ATP6V0A4: variants seen among roughly 807,000 people sequenced by gnomAD.
ATP6V0A4 encodes ATPase H+ transporting V0 subunit a4.
Under a neutral mutation model 107.3 loss-of-function variants are expected in ATP6V0A4, and 86 were observed. That is an observed-to-expected ratio of 0.80 (90% CI 0.67 to 0.96). ATP6V0A4 has a LOEUF of 0.96. Ranked by LOEUF, ATP6V0A4 falls within the 40% of genes least tolerant of loss-of-function variation. ATP6V0A4 has a pLI of 0.00. For synonymous variants in ATP6V0A4, 353 were observed against 381.4 expected (o/e 0.93, Z 0.87); for missense variants, 908 against 1,045.6 (o/e 0.87, Z 1.81).
At position 138,756,417 on chromosome 7, in the gene ATP6V0A4, G is replaced by C. The variant is rs1257282006; in HGVS notation, c.722+41C>G. On this transcript the variant is annotated intron_variant, in intron 9 of 21. Coordinates refer to ENST00000310018, the MANE Select transcript of ATP6V0A4 (RefSeq NM_020632.3). The stretch of plus-strand genomic sequence containing the variant: ...ATTGCACATCTCTTTATCTAATCCT[G>C]GCCCAAATCACTGAAGAAAGAGCCA... 9 of 1,612,504 alleles carry C rather than the reference G, an allele frequency of 5.6e-6. No individual in the cohort carries two copies. In the East Asian group the frequency reaches 2.0e-4, roughly 36 times the overall value.
intron 17 of ATP6V0A4, among the ~76,000 whole-genome samples, chr7:138,731,295 T>C (rs1418805195): frequency 1.3e-5 from 2 of 151,836 alleles, no homozygotes; most frequent in African/African-American, 4.8e-5. Context: ...ACTGAACTCA[T>C]GAGAAGGGGC....
intron 11 of ATP6V0A4, among the ~76,000 whole-genome samples, chr7:138,750,251 T>TTTTATC (rs1379847653): frequency 2.0e-5 from 3 of 152,052 alleles, no homozygotes; most frequent in Non-Finnish European, 4.4e-5. Context: ...TGCTCAAGTC[T>TTTTATC]TTTTTCTTTT....
Position 138,706,454 on chromosome 7 carries a change from G to T in ATP6V0A4, c.*170C>A. Reference sequence around the variant, plus strand: ...TTGCCAAAGTCCTTCCTCTGACGTGGTTAAGTCGTATCAAATCCACAGGCT... The same window carrying T: ...TTGCCAAAGTCCTTCCTCTGACGTGTTTAAGTCGTATCAAATCCACAGGCT... On this transcript the variant is annotated 3_prime_UTR_variant, in exon 22 of 22. Transcript: ENST00000310018. The T allele has an allele frequency of 1.3e-6, 1 of 783,908 alleles. No individual in the cohort carries two copies. Among genetic ancestry groups the T allele is most frequent in the Non-Finnish European group, 2.1e-6 (1 of 474,582 alleles). The allele number at this position is 783,908 out of a possible 1,614,324, so 48.6% of individuals were successfully genotyped here.
rs765805264 is a variant in ATP6V0A4 at position 138,771,273 on chromosome 7, G to T, written c.-17-9C>A. On this transcript the variant is annotated splice_polypyrimidine_tract_variant and intron_variant, in intron 2 of 21. Coordinates refer to ENST00000310018, the MANE Select transcript of ATP6V0A4 (RefSeq NM_020632.3). ...CTTGGCCCAGCCTCGGTCTACAGGAGAAAAAGAAAAAGATATTAATATTTA... is the reference window on the plus strand; with the variant it reads ...CTTGGCCCAGCCTCGGTCTACAGGATAAAAAGAAAAAGATATTAATATTTA... 3 of 1,608,758 alleles carry T rather than the reference G, an allele frequency of 1.9e-6. No homozygotes were observed. Among genetic ancestry groups the T allele is most frequent in the African/African-American group, 2.7e-5 (2 of 74,494 alleles).
Position 138,781,837 on chromosome 7 carries a change from CTCTCTCT to C in ATP6V0A4, c.-18+4314_-18+4320del, listed in dbSNP as rs1563019438. On this transcript the variant is annotated intron_variant, in intron 2 of 21. Coordinates refer to ENST00000310018, the MANE Select transcript of ATP6V0A4 (RefSeq NM_020632.3). ...TTTAAAGAAATTTTTCTCTGTCTCT[CTCTCTCT>C]TTTTTTTTTTTTTTGTAGAGTTTGG... 1.9e-4 allele frequency among the ~76,000 whole-genome samples: 13 copies of C among 67,278 alleles called. 1 individual carries two copies. Among genetic ancestry groups the C allele is most frequent in the South Asian group, 1.1e-3 (2 of 1,858 alleles). The allele number at this position is 67,278 out of a possible 152,430, so 44.1% of individuals were successfully genotyped here. A position where few individuals can be genotyped will look rare whatever the true frequency, so the allele number is the denominator to read the frequency against.
chr7:138,797,160 CT>C (rs398095420), intron 1 of ATP6V0A4, among the ~76,000 whole-genome samples: 1 of 149,952 alleles, frequency 6.7e-6, no homozygotes, highest in Non-Finnish European at 1.5e-5. Context: ...CCCTCTCCCC[CT>C]GTCAAAATTC....
At chr7:138,748,064 G>A (rs1430696733) in intron 12 of ATP6V0A4, among the ~76,000 whole-genome samples, 1 of 151,938 alleles carries the variant, frequency 6.6e-6, no homozygotes, top group Non-Finnish European at 1.5e-5. Context: ...CCTATGAGTA[G>A]GCATTCTTAT....
intron 5 of ATP6V0A4, among the ~76,000 whole-genome samples, chr7:138,764,500 G>A (rs1806991610): frequency 6.6e-6 from 1 of 152,192 alleles, no homozygotes; most frequent in Non-Finnish European, 1.5e-5. Flanking sequence ...ACAAAGGGGT[G>A]ATAATTGAAC....
chr7:138,780,217 T>C (rs1000853298), intron 2 of ATP6V0A4: 1 of 152,248 alleles, frequency 6.6e-6, no homozygotes, highest in Non-Finnish European at 1.5e-5. Context: ...AGACAGTTTT[T>C]CCACGAATGG....
rs762822409 is a variant in ATP6V0A4 at position 138,747,511 on chromosome 7, A to T, written c.1234T>A (p.Cys412Ser). The change falls in exon 13 of 22, where the codon TGT becomes AGT. Residue 412 changes from cysteine to serine, a missense_variant. Physicochemically the swap from Cys to Ser is moderately radical, Grantham distance 112. Coordinates refer to ENST00000310018, the MANE Select transcript of ATP6V0A4 (RefSeq NM_020632.3). ...AGGAGCATCACGGTTCCATGACCAC[A>T]GTCTCCAAACATCACAGCGAACAGG... Reference protein sequence around the residue: ...PFLFAVMFGDCGHGTVMLLAA... With the variant: ...PFLFAVMFGDSGHGTVMLLAA... The T allele has an allele frequency of 6.2e-7, 1 of 1,614,140 alleles. No homozygotes were observed. Among genetic ancestry groups the T allele is most frequent in the Non-Finnish European group, 8.5e-7 (1 of 1,180,034 alleles).
intron 11 of ATP6V0A4, among the ~76,000 whole-genome samples, chr7:138,750,312 A>G (rs1806158053): frequency 6.6e-6 from 1 of 151,732 alleles, no homozygotes; most frequent in Non-Finnish European, 1.5e-5. Context: ...GTGCAGTAAC[A>G]TGATCATAGC....
At chr7:138,749,714 G>A (rs1334434645) in intron 11 of ATP6V0A4, among the ~76,000 whole-genome samples, 5 of 151,792 alleles carry the variant, frequency 3.3e-5, no homozygotes. Flanking sequence ...ACTCCAATGT[G>A]TCACCAACCC....
intron 10 of ATP6V0A4, among the ~76,000 whole-genome samples, chr7:138,754,135 A>AGG (rs1183701940): frequency 6.6e-6 from 1 of 152,152 alleles, no homozygotes; most frequent in Non-Finnish European, 1.5e-5. Context: ...AGTGACAAAG[A>AGG]AGTAATGGAG....
intron 19 of ATP6V0A4, among the ~76,000 whole-genome samples, chr7:138,716,193 C>A (rs1804024247): frequency 1.3e-5 from 2 of 152,094 alleles, no homozygotes; most frequent in Non-Finnish European, 2.9e-5. Flanking sequence ...AGAAATTGTT[C>A]CTGAGGAGCA....
In ATP6V0A4 at chr7:138,745,962, A is replaced by AAT. The variant is rs1554396064; in HGVS notation, c.1321-684_1321-683dup. ...CTGTCTCAAAAAAAAAAAAAAAAAA[A>AAT]ATATATATATATATATAAAATATAT... On this transcript the variant is annotated intron_variant, in intron 13 of 21. Coordinates refer to ENST00000310018, the MANE Select transcript of ATP6V0A4 (RefSeq NM_020632.3). Among the ~76,000 whole-genome samples the AAT allele has an allele frequency of 9.0e-3, 591 of 65,510 alleles. 8 individuals are homozygous for AAT. The highest frequency in any genetic ancestry group is 0.014 in the South Asian group (31 of 2,246). 43.0% of individuals were successfully genotyped at this position (65,510 alleles called of 152,430 possible).
At chr7:138,762,270 C>T (rs1251287910) in intron 7 of ATP6V0A4, 70 bp downstream of exon 7, 24 of 1,554,890 alleles carry the variant, frequency 1.5e-5, no homozygotes, top group East Asian at 4.5e-5. Flanking sequence ...TTTGTTCACC[C>T]GTTCATTCAC....
At chr7:138,707,313 T>TA (rs1803479877) in intron 21 of ATP6V0A4, among the ~76,000 whole-genome samples, 1 of 74,556 alleles carries the variant, frequency 1.3e-5, no homozygotes, top group African/African-American at 6.3e-5. Flanking sequence ...TTTATATTTA[T>TA]TTATATTTAT....
intron 18 of ATP6V0A4, among the ~76,000 whole-genome samples, chr7:138,722,854 T>TTC (rs1265904161): frequency 1.4e-5 from 2 of 141,948 alleles, no homozygotes; most frequent in African/African-American, 5.3e-5. Context: ...AGGCCAAGAG[T>TTC]TCAAGACCAG....
rs199540066 is a variant in ATP6V0A4 at position 138,774,986 on chromosome 7, C to CAATTAGGT, written c.-17-3730_-17-3723dup. On this transcript the variant is annotated intron_variant, in intron 2 of 21. Coordinates refer to ENST00000310018, the MANE Select transcript of ATP6V0A4 (RefSeq NM_020632.3). Reference sequence around the variant, plus strand: ...AGAGGGTGCGAGGGGCAGAACAAGCCAATTAGGTGCATTTCTCTTGCCCAG... The same window carrying CAATTAGGT: ...AGAGGGTGCGAGGGGCAGAACAAGCCAATTAGGTAATTAGGTGCATTTCTCTTGCCCAG... 3.3e-3 allele frequency among the ~76,000 whole-genome samples: 496 copies of CAATTAGGT among 152,140 alleles called. 2 individuals are homozygous for CAATTAGGT. The highest frequency in any genetic ancestry group is 0.011 in the African/African-American group (454 of 41,492).
Sources: gnomAD v4.1 joint callset for allele counts (sites outside exome capture counted in the v4.1 genomes callset) on GRCh38, gnomAD v4.1.1 for gene constraint, MANE v1.5 for transcripts, NCBI Gene and HGNC (gene_info 2026-07-23, HGNC 2026-07-21) for gene names.